FMO2: variants seen among roughly 807,000 people sequenced by gnomAD.
FMO2 encodes flavin-containing monooxygenase 2.
In FMO2, 33 loss-of-function variants were observed where a neutral mutation model predicts 41.6. That is an observed-to-expected ratio of 0.79 (90% confidence interval 0.60 to 1.06). The LOEUF is 1.06. FMO2 is among the 50% of genes least tolerant of loss of function. The probability of loss-of-function intolerance (pLI) is 0.00; values close to 1 mark genes in which losing one functional copy is unlikely to be tolerated. For synonymous variants in FMO2, 214 were observed against 219.6 expected, an observed-to-expected ratio of 0.97 and a Z score of 0.23; for missense variants, 619 against 632.9, an observed-to-expected ratio of 0.98 and a Z score of 0.23.
intron 2 of FMO2, among the ~76,000 whole-genome samples, chr1:171,190,342 G>T (rs928080999): frequency 6.6e-6 from 1 of 152,074 alleles, no homozygotes; most frequent in African/African-American, 2.4e-5. Flanking sequence ...TATATTAGAA[G>T]AATTCTTTAT....
intron 8 of FMO2, 33 bp from the exon 9 acceptor site, chr1:171,208,761 T>C (rs1003329579): frequency 1.2e-6 from 2 of 1,607,810 alleles, no homozygotes; most frequent in Admixed American, 1.7e-5. Context: ...TAGAACATTC[T>C]GTGAACATTC....
chr1:171,210,910 T>C lies in FMO2; in HGVS notation c.*1765T>C, dbSNP rs987283316. The C allele has an allele frequency of 6.7e-6, 1 of 149,466 alleles. No homozygotes were observed. The highest frequency in any genetic ancestry group is 1.5e-5 in the Non-Finnish European group (1 of 67,538). 9.3% of individuals were successfully genotyped at this position (149,466 alleles called of 1,614,324 possible). ...CTTCTCCCTCAGGGACGTAGAACAATGGAATGTCAGTCAGTCTCTGTAGTT... is the reference window on the plus strand; with the variant it reads ...CTTCTCCCTCAGGGACGTAGAACAACGGAATGTCAGTCAGTCTCTGTAGTT... On this transcript the variant is annotated 3_prime_UTR_variant, in exon 9 of 9. Coordinates refer to ENST00000209929, the MANE Select transcript of FMO2 (RefSeq NM_001460.5).
At chr1:171,205,689 A>G (rs1321117159) in intron 7 of FMO2, 55 bp downstream of exon 7, 250 of 1,214,232 alleles carry the variant, frequency 2.1e-4, no homozygotes, top group Non-Finnish European at 2.9e-5. Context: ...GAAGTTTATC[A>G]ATAATGATAA....
chr1:171,191,344 A>T (rs28369834), intron 2 of FMO2, among the ~76,000 whole-genome samples: 15,861 of 152,172 alleles, frequency 0.1, 1,501 homozygotes, highest in African/African-American at 0.26. Flanking sequence ...GAAGCCAACC[A>T]CATTTTTAAG....
At chr1:171,190,873 C>T (rs369562899) in intron 2 of FMO2, among the ~76,000 whole-genome samples, 8 of 152,128 alleles carry the variant, frequency 5.3e-5, no homozygotes, top group African/African-American at 1.2e-4. Flanking sequence ...TGGCTGGGCG[C>T]GGTGGCTCAC....
chr1:171,208,784 C>A lies in FMO2; in HGVS notation c.1257-10C>A, dbSNP rs780775788. 1 of 1,610,690 alleles carries A rather than the reference C, an allele frequency of 6.2e-7. No individual in the cohort carries two copies. Among genetic ancestry groups the A allele is most frequent in the South Asian group, 1.1e-5 (1 of 90,406 alleles). On this transcript the variant is annotated splice_polypyrimidine_tract_variant and intron_variant, in intron 8 of 8. Coordinates refer to ENST00000209929, the MANE Select transcript of FMO2 (RefSeq NM_001460.5). ...TCTGTGAACATTCCCTTTTTACTTT[C>A]TTCACTAAGGTTTGGAGAAAGCCAG...
intron 5 of FMO2, among the ~76,000 whole-genome samples, chr1:171,202,656 C>T (rs571747104): frequency 6.6e-6 from 1 of 152,138 alleles, no homozygotes; most frequent in Non-Finnish European, 1.5e-5. Flanking sequence ...GAAACTGAGG[C>T]ACAGAGAGAT....
chr1:171,196,521 A>C, intron 3 of FMO2, 128 bp from the exon 4 acceptor site: 2 of 712,476 alleles, frequency 2.8e-6, no homozygotes, highest in Non-Finnish European at 4.6e-6. Context: ...TTCAGTATTC[A>C]ACACCCTTAA....
In FMO2 at chr1:171,209,837, T is replaced by C. The variant is rs1376697334; in HGVS notation, c.*692T>C. 1 of 152,214 alleles carries C rather than the reference T, an allele frequency of 6.6e-6. No homozygotes were observed. The highest frequency in any genetic ancestry group is 1.5e-5 in the Non-Finnish European group (1 of 68,040). 9.4% of individuals were successfully genotyped at this position (152,214 alleles called of 1,614,324 possible). ...TTAATGTTTATCATAGGCCAGACAT[T>C]GTGCTATGTGCATATCATATGTATT... On this transcript the variant is annotated 3_prime_UTR_variant, in exon 9 of 9. Coordinates refer to ENST00000209929, the MANE Select transcript of FMO2 (RefSeq NM_001460.5).
chr1:171,185,684 G>A (rs768333161), intron 1 of FMO2, 24 bp from the exon 2 acceptor site: 2 of 1,612,970 alleles, frequency 1.2e-6, no homozygotes, highest in Non-Finnish European at 1.7e-6. Context: ...GTTAAGTAAT[G>A]TTGATTGATC....
intron 2 of FMO2, among the ~76,000 whole-genome samples, chr1:171,192,264 A>G (rs1402430517): frequency 6.6e-6 from 1 of 152,090 alleles, no homozygotes; most frequent in Non-Finnish European, 1.5e-5. Context: ...GTTTATCCAG[A>G]GTTCAGATTA....
intron 2 of FMO2, among the ~76,000 whole-genome samples, chr1:171,191,679 G>T (rs1658086466): frequency 6.6e-6 from 1 of 151,968 alleles, no homozygotes; most frequent in East Asian, 1.9e-4. Context: ...TATCAATCCA[G>T]TCGGTGTGAC....
intron 4 of FMO2, among the ~76,000 whole-genome samples, chr1:171,198,479 C>T (rs534629049): frequency 6.6e-6 from 1 of 150,726 alleles, no homozygotes; most frequent in Middle Eastern, 3.4e-3. Context: ...GATCTCAGCT[C>T]ACTGCAACCT....
Position 171,209,118 on chromosome 1 carries a change from C to CT in FMO2, c.1588dup (p.Cys530LeufsTer30), listed in dbSNP as rs2234889. ...TGGGCCTTCTTGCTGTTGTTGTGGC[C>CT]TTTTTTTGCCAACTTCAATGGTCCT... On this transcript the variant is annotated frameshift_variant, in exon 9 of 9. Transcript: ENST00000209929. LOFTEE classifies it high-confidence loss of function. 0.1 allele frequency: 70,968 copies of CT among 678,584 alleles called. 4,860 individuals carry two copies. The highest frequency in any genetic ancestry group is 0.24 in the East Asian group (8,727 of 35,904). The allele number at this position is 678,584 out of a possible 1,614,324, so 42.0% of individuals were successfully genotyped here.
intron 3 of FMO2, 22 bp from the exon 4 acceptor site, chr1:171,196,627 G>C: frequency 6.2e-7 from 1 of 1,608,616 alleles, no homozygotes; most frequent in Non-Finnish European, 8.5e-7. Context: ...TCTCAATGAT[G>C]CCTTCTCTGT....
intron 2 of FMO2, chr1:171,186,214 T>C (rs1657841998): frequency 6.2e-6 from 1 of 160,134 alleles, no homozygotes. Context: ...CAAATGCTTC[T>C]TTAGAGACCA....
chr1:171,198,214 C>G (rs28369865), intron 4 of FMO2, among the ~76,000 whole-genome samples: 22,145 of 151,954 alleles, frequency 0.15, 1,675 homozygotes, highest in South Asian at 0.15. Flanking sequence ...ACAGAAGAAG[C>G]TTGTCTGTGA....
chr1:171,190,498 T>C (rs1658033515), intron 2 of FMO2, among the ~76,000 whole-genome samples: 2 of 152,212 alleles, frequency 1.3e-5, no homozygotes, highest in South Asian at 4.1e-4. Context: ...TGTGCCTCTG[T>C]CCTCCTCTTG....
At position 171,205,446 on chromosome 1, in the gene FMO2, G is replaced by A. The variant is rs775107878; in HGVS notation, c.995G>A (p.Ser332Asn). The change falls in exon 7 of 9, where the codon AGT (serine) becomes AAT (asparagine). Residue 332 changes from serine to asparagine, a missense_variant. Ser to Asn is a conservative substitution (Grantham distance 46, BLOSUM62 1). Coordinates refer to ENST00000209929, the MANE Select transcript of FMO2 (RefSeq NM_001460.5). ...GTCATCATTTTTGCAACAGGATATA[G>A]TTTCTCTTTTCCCTTCCTTGAAGAT... ...IDVIIFATGYSFSFPFLEDSL... is the reference protein window; with the variant it reads ...IDVIIFATGYNFSFPFLEDSL... The A allele has an allele frequency of 8.7e-6, 14 of 1,613,754 alleles. No individual in the cohort carries two copies. The Admixed American group carries it at 2.2e-4, about 25-fold the overall frequency.
Sources: allele counts gnomAD v4.1 joint callset (sites outside exome capture counted in the v4.1 genomes callset), GRCh38; gene constraint gnomAD v4.1.1; transcripts MANE v1.5; gene names NCBI Gene and HGNC (gene_info 2026-07-23, HGNC 2026-07-21).